Variants in C18orf32 observed in about 807,000 individuals in gnomAD.
The protein encoded by C18orf32 is UPF0729 protein C18orf32.
C18orf32 carries 5 observed loss-of-function variants against 7.4 expected under a neutral mutation model. The ratio of observed to expected loss-of-function variants is 0.68; its 90% CI spans 0.35 to 1.42. The LOEUF (loss-of-function observed/expected upper bound fraction) is 1.42, where lower values mean the gene tolerates loss of function less well. Among genes scored for constraint, C18orf32 ranks in the 40% most tolerant of loss-of-function variants. C18orf32 has a pLI of 0.04. For synonymous variants in C18orf32, 30 were observed against 29.3 expected, an observed-to-expected ratio of 1.02 and a Z score of -0.08; for missense variants, 88 against 92.4, an observed-to-expected ratio of 0.95 and a Z score of 0.19.
rs2083651469 is a variant in C18orf32 at position 49,480,472 on chromosome 18, TG to T, written c.*1872del. The T allele has an allele frequency of 6.6e-6, 1 of 151,788 alleles. No homozygotes were observed. The highest frequency in any genetic ancestry group is 1.5e-5 in the Non-Finnish European group (1 of 67,960). 9.4% of individuals were successfully genotyped at this position (151,788 alleles called of 1,614,324 possible). ...GCAATATTACTTAATTTTTAAAAGA[TG>T]ATGTGTGGGCCAGGTGCAGTAGTAG... On this transcript the variant is annotated 3_prime_UTR_variant, in exon 3 of 3. Coordinates refer to ENST00000318240, the MANE Select transcript of C18orf32 (RefSeq NM_001035005.4).
chr18:49,481,186 A>G lies in C18orf32; in HGVS notation c.*1159T>C, dbSNP rs932527924. The G allele has an allele frequency of 1.3e-5, 2 of 152,156 alleles. No individual in the cohort carries two copies. The highest frequency in any genetic ancestry group is 2.4e-5 in the African/African-American group (1 of 41,446). The allele number at this position is 152,156 out of a possible 1,614,324, so 9.4% of individuals were successfully genotyped here. ...GAAAAGCTGAGACCTGCTGATTTACATGATTTATATCAAATAAAGCCCAAG... is the reference window on the plus strand; with the variant it reads ...GAAAAGCTGAGACCTGCTGATTTACGTGATTTATATCAAATAAAGCCCAAG... On this transcript the variant is annotated 3_prime_UTR_variant, in exon 3 of 3. Transcript: ENST00000318240.
rs199703587 is a variant in C18orf32, at chr18:49,477,819, CTATA to C, written c.*4522_*4525del. 1.4e-4 allele frequency: 14 copies of C among 97,794 alleles called. 1 individual carries two copies. The highest frequency in any genetic ancestry group is 4.4e-4 in the African/African-American group (10 of 22,832). The allele number at this position is 97,794 out of a possible 1,614,324, so 6.1% of individuals were successfully genotyped here. A position where few individuals can be genotyped will look rare whatever the true frequency, so the allele number is the denominator to read the frequency against. ...ACAAAAATATATATATATACACACA[CTATA>C]TATATATACACATATATATATATAC... On this transcript the variant is annotated 3_prime_UTR_variant, in exon 3 of 3. Coordinates refer to ENST00000318240, the MANE Select transcript of C18orf32 (RefSeq NM_001035005.4).
chr18:49,480,968 C>A lies in C18orf32; in HGVS notation c.*1377G>T, dbSNP rs5824790. 59,748 of 151,468 alleles carry A rather than the reference C, an allele frequency of 0.39. 12,041 individuals are homozygous for A. Among genetic ancestry groups the A allele is most frequent in the Admixed American group, 0.48 (7,248 of 15,226 alleles). 9.4% of individuals were successfully genotyped at this position (151,468 alleles called of 1,614,324 possible). A position where few individuals can be genotyped will look rare whatever the true frequency, so the allele number is the denominator to read the frequency against. On this transcript the variant is annotated 3_prime_UTR_variant, in exon 3 of 3. Coordinates refer to ENST00000318240, the MANE Select transcript of C18orf32 (RefSeq NM_001035005.4). ...AAAACAAACCATACAACAACAACAA[C>A]AAAAAAACAATTGGTTACCTCTGTG...
In C18orf32 at chr18:49,477,835, A is replaced by ACAC. The variant is rs34297458; in HGVS notation, c.*4509_*4510insGTG. The ACAC allele has an allele frequency of 1.4e-4, 20 of 141,618 alleles. No homozygotes were observed. Among genetic ancestry groups the ACAC allele is most frequent in the South Asian group, 4.2e-4 (2 of 4,768 alleles). The allele number at this position is 141,618 out of a possible 1,614,324, so 8.8% of individuals were successfully genotyped here. ...ATACACACACTATATATATATACAC[A>ACAC]TATATATATATACACACACTATATA... On this transcript the variant is annotated 3_prime_UTR_variant, in exon 3 of 3. Coordinates refer to ENST00000318240, the MANE Select transcript of C18orf32 (RefSeq NM_001035005.4).
At position 49,477,956 on chromosome 18, in the gene C18orf32, A is replaced by G. The variant is rs2083633130; in HGVS notation, c.*4389T>C. 1 of 147,046 alleles carries G rather than the reference A, an allele frequency of 6.8e-6. No homozygotes were observed. The highest frequency in any genetic ancestry group is 6.7e-5 in the Admixed American group (1 of 14,876). The allele number at this position is 147,046 out of a possible 1,614,324, so 9.1% of individuals were successfully genotyped here. A position where few individuals can be genotyped will look rare whatever the true frequency, so the allele number is the denominator to read the frequency against. Reference sequence around the variant, plus strand: ...ATATATATATATACACTATATATATATGTAGCTGTGATGGCTCCTTAGCAT... The same window carrying G: ...ATATATATATATACACTATATATATGTGTAGCTGTGATGGCTCCTTAGCAT... On this transcript the variant is annotated 3_prime_UTR_variant, in exon 3 of 3. Coordinates refer to ENST00000318240, the MANE Select transcript of C18orf32 (RefSeq NM_001035005.4).
chr18:49,485,372 G>T (rs930229893), intron 1 of C18orf32, among the ~76,000 whole-genome samples: 4 of 151,972 alleles, frequency 2.6e-5, no homozygotes, highest in Admixed American at 2.0e-4. Context: ...TGGCCAACAT[G>T]GCAAAACCCT....
intron 1 of C18orf32, chr18:49,486,028 G>A (rs1291275894): frequency 6.7e-6 from 1 of 149,312 alleles, no homozygotes; most frequent in South Asian, 2.1e-4. Context: ...ACTGCCGTGA[G>A]CTATGATGGC....
intron 2 of C18orf32, 145 bp downstream of exon 2, chr18:49,483,439 C>G: frequency 9.7e-7 from 1 of 1,033,190 alleles, no homozygotes. Flanking sequence ...TAATCAGAGG[C>G]CTACTTTAAA....
chr18:49,482,124 G>A lies in C18orf32; in HGVS notation c.*221C>T. 2 of 485,194 alleles carry A rather than the reference G, an allele frequency of 4.1e-6. No individual in the cohort carries two copies. The highest frequency in any genetic ancestry group is 7.2e-6 in the Non-Finnish European group (2 of 276,250). 30.1% of individuals were successfully genotyped at this position (485,194 alleles called of 1,614,324 possible). A position where few individuals can be genotyped will look rare whatever the true frequency, so the allele number is the denominator to read the frequency against. ...TCAAACAGCAATAACAGAAATGAAA[G>A]CTACATTAACGAAAAAGGAACTTAG... On this transcript the variant is annotated 3_prime_UTR_variant, in exon 3 of 3. Transcript: ENST00000318240.
chr18:49,483,867 T>C, intron 1 of C18orf32, 96 bp from the exon 2 acceptor site: 2 of 1,424,452 alleles, frequency 1.4e-6, no homozygotes, highest in Non-Finnish European at 1.9e-6. Context: ...ATAGATGTGG[T>C]GGCTCACGCC....
chr18:49,483,843 A>G (rs2083698466), intron 1 of C18orf32, 72 bp from the exon 2 acceptor site: 8 of 1,535,802 alleles, frequency 5.2e-6, no homozygotes, highest in Non-Finnish European at 7.0e-6. Context: ...CAAGATTAAG[A>G]TATCTGAAAG....
chr18:49,485,300 A>T (rs2083724809), intron 1 of C18orf32, among the ~76,000 whole-genome samples: 3 of 152,358 alleles, frequency 2.0e-5, no homozygotes, highest in Admixed American at 2.0e-4. Flanking sequence ...CACGCCTGTA[A>T]TCCAAGCACC....
At position 49,482,178 on chromosome 18, in the gene C18orf32, C is replaced by T. The variant is rs1057124476; in HGVS notation, c.*167G>A. 4 of 608,922 alleles carry T rather than the reference C, an allele frequency of 6.6e-6. No homozygotes were observed. The highest frequency in any genetic ancestry group is 1.2e-5 in the Non-Finnish European group (4 of 344,188). The allele number at this position is 608,922 out of a possible 1,614,324, so 37.7% of individuals were successfully genotyped here. A position where few individuals can be genotyped will look rare whatever the true frequency, so the allele number is the denominator to read the frequency against. On this transcript the variant is annotated 3_prime_UTR_variant, in exon 3 of 3. Coordinates refer to ENST00000318240, the MANE Select transcript of C18orf32 (RefSeq NM_001035005.4). ...TGAGGTCATTAAATATAACTAACTA[C>T]ATTTTAAATACGGATATCATATATT...
chr18:49,479,752 TCTCCTG>T lies in C18orf32; in HGVS notation c.*2587_*2592del, dbSNP rs2083646146. ...GCCTTCATTCTCCTCCCTCCAGCCA[TCTCCTG>T]CTATGGATCGCTATTGGCCAAACCC... On this transcript the variant is annotated 3_prime_UTR_variant, in exon 3 of 3. Transcript: ENST00000318240. 1 of 152,262 alleles carries T rather than the reference TCTCCTG, an allele frequency of 6.6e-6. No homozygotes were observed. The highest frequency in any genetic ancestry group is 6.5e-5 in the Admixed American group (1 of 15,278). The allele number at this position is 152,262 out of a possible 1,614,324, so 9.4% of individuals were successfully genotyped here.
chr18:49,485,657 A>G (rs1026999419), intron 1 of C18orf32, among the ~76,000 whole-genome samples: 3 of 151,940 alleles, frequency 2.0e-5, no homozygotes, highest in African/African-American at 7.3e-5. Flanking sequence ...CTCAGGCTAA[A>G]GTGCAGTGGC....
intron 1 of C18orf32, 23 bp from the exon 2 acceptor site, chr18:49,483,794 A>C (rs1035210902): frequency 8.2e-6 from 13 of 1,582,000 alleles, no homozygotes; most frequent in Non-Finnish European, 1.0e-5. Flanking sequence ...GTGAAGAAAA[A>C]AATTAGTTCA....
At chr18:49,486,001 C>A (rs1347405751) in intron 1 of C18orf32, 1 of 150,496 alleles carries the variant, frequency 6.6e-6, no homozygotes, top group Non-Finnish European at 1.5e-5. Flanking sequence ...GAACCGCTTG[C>A]GCCCAGGAAA....
At position 49,481,926 on chromosome 18, in the gene C18orf32, GCA is replaced by G. The variant is rs2083666462; in HGVS notation, c.*417_*418del. On this transcript the variant is annotated 3_prime_UTR_variant, in exon 3 of 3. Transcript: ENST00000318240. The stretch of plus-strand genomic sequence containing the variant: ...CCCAAAATTCTACCTTCATTTCCCT[GCA>G]CAGTTTCACTGGACTGTTTCACAAC... 5.5e-6 allele frequency: 1 copy of G among 182,272 alleles called. No individual in the cohort carries two copies. The highest frequency in any genetic ancestry group is 6.1e-5 in the Admixed American group (1 of 16,428). The allele number at this position is 182,272 out of a possible 1,614,324, so 11.3% of individuals were successfully genotyped here.
chr18:49,483,528 C>T (rs2083690967), intron 2 of C18orf32, 56 bp downstream of exon 2: 4 of 1,490,204 alleles, frequency 2.7e-6, no homozygotes, highest in South Asian at 2.8e-5. Context: ...TCTAGTGTTT[C>T]ACCCAAGTAC....
Sources: allele counts gnomAD v4.1 joint callset (sites outside exome capture counted in the v4.1 genomes callset), GRCh38; gene constraint gnomAD v4.1.1; transcripts MANE v1.5; gene names NCBI Gene and HGNC (gene_info 2026-07-23, HGNC 2026-07-21).